The following ST18 variants were observed in gnomAD, a reference collection of about 807,000 sequenced individuals.
The protein encoded by ST18 is suppression of tumorigenicity 18 protein.
ST18 carries 50 observed loss-of-function variants against 110.0 expected under a neutral mutation model. That is an observed-to-expected ratio of 0.45 (90% CI 0.36 to 0.58). ST18 has a LOEUF of 0.58. Ranked by LOEUF, ST18 falls within the 20% of genes least tolerant of loss-of-function variation. The probability of loss-of-function intolerance (pLI) is 0.00; values close to 1 mark genes in which losing one functional copy is unlikely to be tolerated. For synonymous variants in ST18, 461 were observed against 452.4 expected (o/e 1.02, Z -0.24); for missense variants, 1,306 against 1,280.1 (o/e 1.02, Z -0.31).
chr8:52,274,471 T>C (rs1448306046), intron 2 of ST18, among the ~76,000 whole-genome samples: 8 of 152,188 alleles, frequency 5.3e-5, no homozygotes, highest in Non-Finnish European at 1.2e-4. Context: ...AAAATTCCAG[T>C]AATGAGTGTA....
chr8:52,175,179 G>A (rs2066424528), intron 9 of ST18, among the ~76,000 whole-genome samples: 1 of 152,162 alleles, frequency 6.6e-6, no homozygotes, highest in Non-Finnish European at 1.5e-5. Flanking sequence ...TGTACCCTGT[G>A]GAGGCCACAC....
intron 10 of ST18, among the ~76,000 whole-genome samples, chr8:52,170,767 G>A (rs559899856): frequency 2.6e-5 from 4 of 152,212 alleles, no homozygotes; most frequent in South Asian, 4.1e-4. Context: ...ACATGACACC[G>A]TTTTATCCTT....
intron 2 of ST18, among the ~76,000 whole-genome samples, chr8:52,254,685 C>T (rs2138483043): frequency 6.6e-6 from 1 of 152,246 alleles, no homozygotes; most frequent in Non-Finnish European, 1.5e-5. Context: ...CAACAACAAC[C>T]TAAAATATAT....
At chr8:52,339,060 G>T (rs992506224) in intron 2 of ST18, among the ~76,000 whole-genome samples, 1 of 152,142 alleles carries the variant, frequency 6.6e-6, no homozygotes, top group African/African-American at 2.4e-5. Flanking sequence ...TGGGTTCTCT[G>T]CTTAGGGTTT....
chr8:52,378,660 A>G (rs574793520), intron 2 of ST18, among the ~76,000 whole-genome samples: 1 of 152,214 alleles, frequency 6.6e-6, no homozygotes, highest in African/African-American at 2.4e-5. Flanking sequence ...AAGTTTTTCA[A>G]ACATTGGGGA....
chr8:52,223,927 C>T (rs1482992124), intron 3 of ST18, among the ~76,000 whole-genome samples: 1 of 152,116 alleles, frequency 6.6e-6, no homozygotes, highest in Non-Finnish European at 1.5e-5. Context: ...ACTCCAAAGA[C>T]CACTCTGAGA....
At chr8:52,182,482 G>T (rs1435325926) in intron 8 of ST18, among the ~76,000 whole-genome samples, 1 of 152,180 alleles carries the variant, frequency 6.6e-6, no homozygotes, top group Non-Finnish European at 1.5e-5. Flanking sequence ...AGGAAATATT[G>T]TAATATGCAA....
At chr8:52,152,984 A>G (rs2059182585) in intron 15 of ST18, among the ~76,000 whole-genome samples, 1 of 152,250 alleles carries the variant, frequency 6.6e-6, no homozygotes, top group Admixed American at 6.5e-5. Flanking sequence ...CTAGGGAAAA[A>G]AGAGAGAAAT....
rs73586628 is a variant in ST18, at chr8:52,352,354, C to T, written c.-465+56974G>A. Among the ~76,000 whole-genome samples, 1,501 of 152,240 alleles carry T rather than the reference C, an allele frequency of 9.9e-3. 31 individuals carry two copies. Among genetic ancestry groups the T allele is most frequent in the African/African-American group, 0.034 (1,423 of 41,550 alleles). On this transcript the variant is annotated intron_variant, in intron 2 of 25. Coordinates refer to ENST00000689386, the MANE Select transcript of ST18 (RefSeq NM_001352837.2). ...TAAGATTTCCTCAATATCCAAGCAA[C>T]GCAGTGAGCACAAAGACAACTCAAT...
chr8:52,296,400 G>C (rs1192744992), intron 2 of ST18: 1 of 152,074 alleles, frequency 6.6e-6, no homozygotes, highest in Admixed American at 6.5e-5. Context: ...GGCCCTCCTA[G>C]ACGGGGGGAA....
chr8:52,393,176 C>A (rs1839888738), intron 2 of ST18, among the ~76,000 whole-genome samples: 1 of 152,184 alleles, frequency 6.6e-6, no homozygotes, highest in Admixed American at 6.5e-5. Context: ...TACTCCAAGG[C>A]TGGCTCTGTG....
chr8:52,196,592 G>T lies in ST18; in HGVS notation c.86+15487C>A, dbSNP rs142743034. Among the ~76,000 whole-genome samples the T allele has an allele frequency of 3.9e-3, 589 of 152,306 alleles. 4 individuals are homozygous for T. Among genetic ancestry groups the T allele is most frequent in the African/African-American group, 0.013 (551 of 41,560 alleles). On this transcript the variant is annotated intron_variant, in intron 8 of 25. Transcript: ENST00000689386. ...GTATAGGACAATAGGTATTTTGAGA[G>T]AGAGACCTCATTCATATAACTTTTA...
At chr8:52,395,952 C>T (rs1225876681) in intron 2 of ST18, among the ~76,000 whole-genome samples, 1 of 151,850 alleles carries the variant, frequency 6.6e-6, no homozygotes, top group Admixed American at 6.6e-5. Context: ...AATCTGTATG[C>T]CCATATATTT....
intron 2 of ST18, among the ~76,000 whole-genome samples, chr8:52,281,245 T>C (rs2095370541): frequency 6.6e-6 from 1 of 152,014 alleles, no homozygotes; most frequent in Admixed American, 6.5e-5. Context: ...TGAGAAGTAA[T>C]GAGTTAAACA....
At chr8:52,147,328 T>G (rs1408215178) in intron 16 of ST18, among the ~76,000 whole-genome samples, 1 of 152,202 alleles carries the variant, frequency 6.6e-6, no homozygotes, top group African/African-American at 2.4e-5. Flanking sequence ...AAAATATTTC[T>G]TATGAAATCT....
chr8:52,129,226 G>A (rs2048251807), intron 22 of ST18, among the ~76,000 whole-genome samples: 1 of 152,034 alleles, frequency 6.6e-6, no homozygotes, highest in Non-Finnish European at 1.5e-5. Context: ...AGCACTTTGG[G>A]AGGCTGAGGC....
At chr8:52,162,206 A>G (rs188948095) in intron 13 of ST18, among the ~76,000 whole-genome samples, 1 of 152,306 alleles carries the variant, frequency 6.6e-6, no homozygotes, top group East Asian at 1.9e-4. Context: ...GCAAGACTCC[A>G]TCTCAAAAAA....
chr8:52,384,699 A>G (rs532269467), intron 2 of ST18, among the ~76,000 whole-genome samples: 2 of 152,134 alleles, frequency 1.3e-5, no homozygotes, highest in Non-Finnish European at 2.9e-5. Context: ...CTTCTTCGGT[A>G]GAGATGTCTC....
chr8:52,308,610 G>A (rs1282555164), intron 2 of ST18, among the ~76,000 whole-genome samples: 1 of 152,220 alleles, frequency 6.6e-6, no homozygotes, highest in African/African-American at 2.4e-5. Context: ...ACCTCTCCTT[G>A]AATTTCATTG....
Sources: gnomAD v4.1 joint callset for allele counts (sites outside exome capture counted in the v4.1 genomes callset) on GRCh38, gnomAD v4.1.1 for gene constraint, MANE v1.5 for transcripts, NCBI Gene and HGNC (gene_info 2026-07-23, HGNC 2026-07-21) for gene names.